The following PRELID2 variants were observed in gnomAD, a reference collection of about 807,000 sequenced individuals.
PRELID2 encodes PRELI domain-containing protein 2.
Under a neutral mutation model 28.4 loss-of-function variants are expected in PRELID2, and 25 were observed. The ratio of observed to expected loss-of-function variants is 0.88; its 90% CI spans 0.64 to 1.23. The LOEUF (loss-of-function observed/expected upper bound fraction) is 1.23, where lower values mean the gene tolerates loss of function less well. Ranked by LOEUF, PRELID2 falls within the 50% of genes most tolerant of loss-of-function variation. The probability of loss-of-function intolerance (pLI) is 0.00; values close to 1 mark genes in which losing one functional copy is unlikely to be tolerated. For synonymous variants in PRELID2, 76 were observed against 71.6 expected (o/e 1.06, Z -0.31); for missense variants, 201 against 214.4 (o/e 0.94, Z 0.39).
At chr5:145,476,661 T>G (rs383149) in intron 1 of PRELID2, among the ~76,000 whole-genome samples, 1 of 150,516 alleles carries the variant, frequency 6.6e-6, no homozygotes, top group Non-Finnish European at 1.5e-5. Flanking sequence ...CTTAAAAAAA[T>G]AAAAATTTAT....
rs142808222 is a variant in PRELID2 at position 145,736,577 on chromosome 5, T to C, written n.70+28354A>G. 3.9e-5 allele frequency among the ~76,000 whole-genome samples: 6 copies of C among 152,336 alleles called. No individual in the cohort carries two copies. The East Asian group carries it at 9.6e-4, about 24-fold the overall frequency. The stretch of plus-strand genomic sequence containing the variant: ...GATCTATCTGGTGAGCCAGAATACA[T>C]GCTAACTGAATAGGGGAGAGGATTT... On this transcript the variant is annotated intron_variant and non_coding_transcript_variant, in intron 1 of 2. Coordinates refer to the PRELID2 transcript ENST00000510259.
intron 1 of PRELID2, among the ~76,000 whole-genome samples, chr5:145,699,883 C>T (rs549923192): frequency 1.3e-5 from 2 of 152,272 alleles, no homozygotes; most frequent in African/African-American, 4.8e-5. Context: ...TGGTGTTTCT[C>T]GCTTCTTTTG....
chr5:145,487,906 T>C (rs566833274), intron 1 of PRELID2, among the ~76,000 whole-genome samples: 40 of 151,606 alleles, frequency 2.6e-4, no homozygotes, highest in African/African-American at 9.4e-4. Context: ...GGGTGGATCA[T>C]GAGGTCAGGA....
intron 1 of PRELID2, among the ~76,000 whole-genome samples, chr5:145,694,345 CTTTATG>C (rs1309895735): frequency 6.6e-6 from 1 of 151,876 alleles, no homozygotes; most frequent in African/African-American, 2.4e-5. Flanking sequence ...AGGGGGCAGT[CTTTATG>C]TTTATTTTTC....
intron 1 of PRELID2, among the ~76,000 whole-genome samples, chr5:145,563,102 C>T (rs541884472): frequency 7.2e-5 from 11 of 152,342 alleles, no homozygotes; most frequent in African/African-American, 2.4e-4. Context: ...GCACATGATC[C>T]ACGCTTGGCC....
chr5:145,449,358 G>A, the PRELID2 span, among the ~76,000 whole-genome samples: 2 of 152,060 alleles, frequency 1.3e-5, no homozygotes, highest in East Asian at 3.9e-4. Flanking sequence ...GATAGGAGAT[G>A]GAATGGGAGG....
At chr5:145,559,059 C>G (rs543108438) in intron 1 of PRELID2, among the ~76,000 whole-genome samples, 1 of 152,140 alleles carries the variant, frequency 6.6e-6, no homozygotes, top group Non-Finnish European at 1.5e-5. Context: ...TCGAGACCAT[C>G]CTGGCTAACA....
At chr5:145,350,086 A>G in the PRELID2 span, among the ~76,000 whole-genome samples, 1 of 152,166 alleles carries the variant, frequency 6.6e-6, no homozygotes, top group Non-Finnish European at 1.5e-5. Context: ...CTGTATTTGT[A>G]ATGCTGGACA....
At chr5:145,371,149 T>C in the PRELID2 span, among the ~76,000 whole-genome samples, 2 of 152,144 alleles carry the variant, frequency 1.3e-5, no homozygotes, top group Non-Finnish European at 2.9e-5. Flanking sequence ...TCCAATACTA[T>C]ATTGAATAGC....
chr5:145,533,877 T>G (rs533646462), intron 1 of PRELID2, among the ~76,000 whole-genome samples: 10 of 152,158 alleles, frequency 6.6e-5, no homozygotes, highest in African/African-American at 2.4e-4. Context: ...GATTGGATGT[T>G]TCTCTTTTCA....
At chr5:145,766,511 A>C (rs1180528933) in intron 5 of PRELID2, among the ~76,000 whole-genome samples, 1 of 152,218 alleles carries the variant, frequency 6.6e-6, no homozygotes, top group Non-Finnish European at 1.5e-5. Flanking sequence ...ACCAAAGTAG[A>C]CTAAACTAAA....
At chr5:145,649,105 A>T (rs1035261909) in intron 1 of PRELID2, among the ~76,000 whole-genome samples, 3 of 152,178 alleles carry the variant, frequency 2.0e-5, no homozygotes, top group African/African-American at 4.8e-5. Context: ...AATAAAAGAG[A>T]AGGCAAAAAT....
intron 5 of PRELID2, among the ~76,000 whole-genome samples, chr5:145,778,789 C>A (rs1758582891): frequency 6.6e-6 from 1 of 152,234 alleles, no homozygotes; most frequent in African/African-American, 2.4e-5. Flanking sequence ...GAACTAAGCA[C>A]AGCCTGCCAG....
chr5:145,490,900 C>A (rs1459930969), intron 1 of PRELID2, among the ~76,000 whole-genome samples: 1 of 151,768 alleles, frequency 6.6e-6, no homozygotes, highest in Non-Finnish European at 1.5e-5. Context: ...GTCCCCACCC[C>A]CCCATCAAAC....
chr5:145,315,235 A>G, the PRELID2 span, among the ~76,000 whole-genome samples: 1 of 151,520 alleles, frequency 6.6e-6, no homozygotes, highest in Non-Finnish European at 1.5e-5. Flanking sequence ...ACGCCCAGCT[A>G]ATTTTTGTAT....
chr5:145,295,038 A>G, the PRELID2 span, among the ~76,000 whole-genome samples: 2 of 152,148 alleles, frequency 1.3e-5, no homozygotes, highest in Non-Finnish European at 2.9e-5. Flanking sequence ...CCTCAACCCC[A>G]GGGCTGCTCA....
chr5:145,742,132 AAATAAATAAAT>A (rs1756829437), intron 1 of PRELID2, among the ~76,000 whole-genome samples: 1 of 5,418 alleles, frequency 1.8e-4, no homozygotes, highest in Non-Finnish European at 8.6e-4. Context: ...TATTAATTAT[AAATAAATAAAT>A]TTATTTATTT....
the PRELID2 span, among the ~76,000 whole-genome samples, chr5:145,270,175 ACT>A: frequency 1.3e-4 from 19 of 151,776 alleles, no homozygotes; most frequent in Non-Finnish European, 4.4e-5. Flanking sequence ...TTTAAAAAAA[ACT>A]CTTCAGCGGC....
chr5:145,252,633 G>A, the PRELID2 span, among the ~76,000 whole-genome samples: 1 of 152,134 alleles, frequency 6.6e-6, no homozygotes, highest in Admixed American at 6.6e-5. Context: ...CCATACCCAG[G>A]AAACATATGT....
Sources: gnomAD v4.1 joint callset for allele counts (sites outside exome capture counted in the v4.1 genomes callset) on GRCh38, gnomAD v4.1.1 for gene constraint, MANE v1.5 for transcripts, NCBI Gene and HGNC (gene_info 2026-07-23, HGNC 2026-07-21) for gene names.